The following ERFL variants were observed in gnomAD, a reference collection of about 807,000 sequenced individuals.
ERFL encodes the protein ETS repressor factor like.
In ERFL, 8 loss-of-function variants were observed where a neutral mutation model predicts 27.9. The ratio of observed to expected loss-of-function variants is 0.29; its 90% CI spans 0.17 to 0.52. The LOEUF (loss-of-function observed/expected upper bound fraction) is 0.52. Among genes scored for constraint, ERFL ranks in the 20% least tolerant of loss-of-function variants. The pLI, the probability that ERFL is intolerant of heterozygous loss-of-function variation, is 0.97. For missense variants in ERFL, 294 were observed against 444.4 expected (o/e 0.66, Z 3.04); for synonymous variants, 174 against 202.8 (o/e 0.86, Z 1.21).
At chr19:41,920,313 C>T (rs1373297597) in intron 1 of ERFL, among the ~76,000 whole-genome samples, 1 of 145,296 alleles carries the variant, frequency 6.9e-6, no homozygotes, top group African/African-American at 2.5e-5. Flanking sequence ...ACAGACATGA[C>T]ATGCCCAGAC....
In ERFL at chr19:41,917,094, C is replaced by T. The variant is rs537804457; in HGVS notation, c.-13-4162G>A. 2.4e-4 allele frequency among the ~76,000 whole-genome samples: 37 copies of T among 152,298 alleles called. No individual in the cohort carries two copies. The highest frequency in any genetic ancestry group is 7.5e-4 in the African/African-American group (31 of 41,560). On this transcript the variant is annotated intron_variant, in intron 1 of 5. Coordinates refer to ENST00000597630, the MANE Select transcript of ERFL (RefSeq NM_001365103.2). This position sits in a 1 kb window ranked among gnomAD's most constrained non-coding sequence, Gnocchi z 4.8. The stretch of plus-strand genomic sequence containing the variant: ...ACTGCCTCTCGAGACACAGGTCTCT[C>T]GGTCTCTCTCAGCCCCTTCGGGTGT...
chr19:41,915,309 G>A (rs1029867628), intron 1 of ERFL, among the ~76,000 whole-genome samples: 11 of 151,160 alleles, frequency 7.3e-5, no homozygotes, highest in South Asian at 2.1e-4. Flanking sequence ...CTGCCATCTC[G>A]CAGTCTCTGT....
Position 41,910,507 on chromosome 19 carries a change from G to C in ERFL, c.68-410C>G, listed in dbSNP as rs77890934. Among the ~76,000 whole-genome samples the C allele has an allele frequency of 7.7e-3, 1,167 of 152,186 alleles. 14 individuals are homozygous for C. The highest frequency in any genetic ancestry group is 0.027 in the African/African-American group (1,120 of 41,512). ...TCTCTAGTCTCTTGTACCCTGCGGT[G>C]CCCTCAGCTCTTACTGTCTCTGTTC... is the stretch of plus-strand genomic sequence containing the variant. On this transcript the variant is annotated intron_variant, in intron 2 of 5. Coordinates refer to ENST00000597630, the MANE Select transcript of ERFL (RefSeq NM_001365103.2). The surrounding 1 kb of genome is among the most constrained non-coding windows in gnomAD (Gnocchi z 4.4).
intron 1 of ERFL, among the ~76,000 whole-genome samples, chr19:41,914,555 C>T (rs73550621): frequency 0.072 from 7,236 of 100,774 alleles, 811 homozygotes; most frequent in African/African-American, 0.21. Context: ...TTTCCCTCCC[C>T]TTCCACCATC....
At chr19:41,920,440 G>A (rs571023758) in intron 1 of ERFL, among the ~76,000 whole-genome samples, 117 of 143,594 alleles carry the variant, frequency 8.1e-4, no homozygotes, top group Middle Eastern at 4.1e-3. Flanking sequence ...GACATGACAC[G>A]CTCACAGACA....
chr19:41,918,482 G>A lies in ERFL; in HGVS notation c.-13-5550C>T, dbSNP rs552712863. ...CACCTACACACCACACACGCACCAC[G>A]CACACCACACACACATCACACACAC... On this transcript the variant is annotated intron_variant, in intron 1 of 5. Coordinates refer to ENST00000597630, the MANE Select transcript of ERFL (RefSeq NM_001365103.2). Among the ~76,000 whole-genome samples, 20 of 101,500 alleles carry A rather than the reference G, an allele frequency of 2.0e-4. No homozygotes were observed. In the East Asian group the frequency reaches 4.6e-3, roughly 23 times the overall value. The allele number at this position is 101,500 out of a possible 152,430, so 66.6% of individuals were successfully genotyped here. A position where few individuals can be genotyped will look rare whatever the true frequency, so the allele number is the denominator to read the frequency against.
chr19:41,912,091 A>G (rs1858063689), intron 2 of ERFL, among the ~76,000 whole-genome samples: 1 of 152,180 alleles, frequency 6.6e-6, no homozygotes, highest in African/African-American at 2.4e-5. Flanking sequence ...ACAGTCGGAG[A>G]GCTGGCAGAC....
In ERFL at chr19:41,909,090, G is replaced by A. The variant is rs1161742223; in HGVS notation, c.586C>T (p.Leu196=). 10 of 1,231,642 alleles carry A rather than the reference G, an allele frequency of 8.1e-6. No individual in the cohort carries two copies. Among genetic ancestry groups the A allele is most frequent in the Non-Finnish European group, 9.1e-6 (9 of 988,058 alleles). 76.3% of individuals were successfully genotyped at this position (1,231,642 alleles called of 1,614,324 possible). A position where few individuals can be genotyped will look rare whatever the true frequency, so the allele number is the denominator to read the frequency against. The change falls in exon 5 of 6, where the codon CTG becomes TTG. Residue 196 remains leucine (L), a synonymous_variant. Coordinates refer to ENST00000597630, the MANE Select transcript of ERFL (RefSeq NM_001365103.2). This position sits in a 1 kb window ranked among gnomAD's most constrained non-coding sequence, Gnocchi z 5.2. ...LFTSETDKLR[L]DSPFPFLGSG... Reference sequence around the variant, plus strand: ...CCCAGGAATGGGAAAGGGCTGTCCAGACGCAATTTATCTGTCTCGGAGGTG... The same window carrying A: ...CCCAGGAATGGGAAAGGGCTGTCCAAACGCAATTTATCTGTCTCGGAGGTG...
chr19:41,912,159 G>A (rs1326797401), intron 2 of ERFL, among the ~76,000 whole-genome samples: 2 of 152,218 alleles, frequency 1.3e-5, no homozygotes, highest in Non-Finnish European at 2.9e-5. Context: ...AGCCTCAGAT[G>A]TGCACGTACA....
intron 1 of ERFL, among the ~76,000 whole-genome samples, chr19:41,924,793 A>G (rs1023316799): frequency 4.6e-5 from 7 of 152,108 alleles, no homozygotes; most frequent in Non-Finnish European, 8.8e-5. Context: ...CCTCGAGGAG[A>G]GAGCTGGTCA....
rs1456397559 is a variant in ERFL at position 41,916,224 on chromosome 19, C to T, written c.-13-3292G>A. 2.0e-5 allele frequency among the ~76,000 whole-genome samples: 3 copies of T among 151,396 alleles called. No individual in the cohort carries two copies. The highest frequency in any genetic ancestry group is 7.3e-5 in the African/African-American group (3 of 41,180). Reference sequence around the variant, plus strand: ...GCACACATCGCACAGATGCACACACCAGCACAGCCACACACACACCATCAC... The same window carrying T: ...GCACACATCGCACAGATGCACACACTAGCACAGCCACACACACACCATCAC... On this transcript the variant is annotated intron_variant, in intron 1 of 5. Coordinates refer to ENST00000597630, the MANE Select transcript of ERFL (RefSeq NM_001365103.2). This position sits in a 1 kb window ranked among gnomAD's most constrained non-coding sequence, Gnocchi z 5.4.
At chr19:41,912,506 C>G (rs782130536) in intron 2 of ERFL, among the ~76,000 whole-genome samples, 1 of 152,242 alleles carries the variant, frequency 6.6e-6, no homozygotes, top group African/African-American at 2.4e-5. Flanking sequence ...CCCTCCAGCC[C>G]AGTCCCTGCT....
At chr19:41,922,437 A>T (rs1366557043) in intron 1 of ERFL, among the ~76,000 whole-genome samples, 2 of 152,210 alleles carry the variant, frequency 1.3e-5, no homozygotes, top group African/African-American at 4.8e-5. Flanking sequence ...TGGGACTGAG[A>T]TGCGGGAGCA....
chr19:41,918,714 A>G (rs1261687986), intron 1 of ERFL, among the ~76,000 whole-genome samples: 1 of 148,840 alleles, frequency 6.7e-6, no homozygotes, highest in Non-Finnish European at 1.5e-5. Context: ...CACCACACAC[A>G]CCACGTACAC....
intron 1 of ERFL, among the ~76,000 whole-genome samples, chr19:41,915,866 G>A (rs377441478): frequency 2.7e-4 from 41 of 152,312 alleles, no homozygotes; most frequent in South Asian, 8.3e-4. Flanking sequence ...CTGGCAGGAC[G>A]GCCGGACAGA....
intron 1 of ERFL, among the ~76,000 whole-genome samples, chr19:41,913,255 G>A (rs1353765032): frequency 6.6e-6 from 1 of 151,122 alleles, no homozygotes; most frequent in East Asian, 2.0e-4. Flanking sequence ...ACACTCGCTG[G>A]CTCTCACGCC....
chr19:41,919,720 C>T (rs1555852257), intron 1 of ERFL, among the ~76,000 whole-genome samples: 1 of 152,192 alleles, frequency 6.6e-6, no homozygotes, highest in African/African-American at 2.4e-5. Flanking sequence ...GGGGTCCTCT[C>T]AGGGTCGCAC....
rs2074808447 is a variant in ERFL at position 41,917,446 on chromosome 19, CA to C, written c.-13-4515del. Among the ~76,000 whole-genome samples the C allele has an allele frequency of 1.3e-5, 2 of 151,940 alleles. No homozygotes were observed. The highest frequency in any genetic ancestry group is 2.4e-5 in the African/African-American group (1 of 41,374). On this transcript the variant is annotated intron_variant, in intron 1 of 5. Transcript: ENST00000597630. This position sits in a 1 kb window ranked among gnomAD's most constrained non-coding sequence, Gnocchi z 4.8. ...GGAGCCGCCTCGGGCCTCGCACCCC[CA>C]CCACCAGCCCCTTCATCCCTCACCC...
Position 41,909,804 on chromosome 19 carries a change from CCAGAG to C in ERFL, c.302+54_302+58del, listed in dbSNP as rs1241937376. 1 of 1,504,020 alleles carries C rather than the reference CCAGAG, an allele frequency of 6.6e-7. No homozygotes were observed. Among genetic ancestry groups the C allele is most frequent in the Non-Finnish European group, 8.9e-7 (1 of 1,119,696 alleles). 93.2% of individuals were successfully genotyped at this position (1,504,020 alleles called of 1,614,324 possible). On this transcript the variant is annotated intron_variant, in intron 3 of 5. Transcript: ENST00000597630. The surrounding 1 kb of genome is among the most constrained non-coding windows in gnomAD (Gnocchi z 5.2). ...CCTGCCCCAGGATGCAGAGGGGGCA[CCAGAG>C]GGACAGTTGGGGGAAAAGGACAAGG...
Sources: gnomAD v4.1 joint callset for allele counts (sites outside exome capture counted in the v4.1 genomes callset) on GRCh38, gnomAD v4.1.1 for gene constraint, Gnocchi (gnomAD v3.1) non-coding constraint, MANE v1.5 for transcripts, NCBI Gene and HGNC (gene_info 2026-07-23, HGNC 2026-07-21) for gene names.